CNTN6: variants seen among roughly 807,000 people sequenced by gnomAD.
CNTN6 encodes contactin-6.
Under a neutral mutation model 122.8 loss-of-function variants are expected in CNTN6, and 137 were observed. The observed-to-expected ratio is 1.12, with a 90% CI of 0.97 to 1.29. The LOEUF is 1.29. CNTN6 is among the 50% of genes most tolerant of loss of function. The pLI is 0.00. For synonymous variants in CNTN6, 570 were observed against 426.0 expected, an observed-to-expected ratio of 1.34 and a Z score of -4.16; for missense variants, 1,634 against 1,223.4, an observed-to-expected ratio of 1.34 and a Z score of -5.01.
intron 12 of CNTN6, among the ~76,000 whole-genome samples, chr3:1,371,387 T>C (rs1297235038): frequency 6.6e-6 from 1 of 152,128 alleles, no homozygotes; most frequent in East Asian, 1.9e-4. Flanking sequence ...TATTCTTAAA[T>C]GTAAATCTTT....
chr3:1,382,908 C>A, intron 17 of CNTN6, 34 bp from the exon 18 acceptor site: 1 of 1,441,880 alleles, frequency 6.9e-7, no homozygotes. Context: ...AATATTTTTG[C>A]AAATACTCAG....
intron 11 of CNTN6, among the ~76,000 whole-genome samples, chr3:1,350,668 A>T (rs1390737955): frequency 6.6e-6 from 1 of 151,824 alleles, no homozygotes. Context: ...GTGAAAAATT[A>T]TATGAAATAT....
chr3:1,341,188 T>G (rs1036940705), intron 11 of CNTN6, among the ~76,000 whole-genome samples: 4 of 96,700 alleles, frequency 4.1e-5, no homozygotes, highest in Non-Finnish European at 1.2e-4. Flanking sequence ...GTTTGTTGGT[T>G]TTTTTTTTTT....
At chr3:1,394,750 A>G (rs17038603) in intron 20 of CNTN6, among the ~76,000 whole-genome samples, 8,468 of 152,240 alleles carry the variant, frequency 0.056, 368 homozygotes, top group African/African-American at 0.12. Context: ...TTTTCAGTTG[A>G]CCCAATTGAT....
At position 1,372,424 on chromosome 3, in the gene CNTN6, G is replaced by T. The variant is rs1484186913; in HGVS notation, c.1618G>T (p.Asp540Tyr). Reference sequence around the variant, plus strand: ...GGTATTTGTATGGTTTTTCAATGGAGATGTCATAGACTTAAAAAAAGGAGT... The same window carrying T: ...GGTATTTGTATGGTTTTTCAATGGATATGTCATAGACTTAAAAAAAGGAGT... Reference protein sequence around the residue: ...EVVFVWFFNGDVIDLKKGVAH... With the variant: ...EVVFVWFFNGYVIDLKKGVAH... Residue 540 changes from aspartate (D) to tyrosine (Y), a missense_variant, in exon 13 of 23, where the codon GAT becomes TAT. Transcript: ENST00000446702. 1 of 1,613,108 alleles carries T rather than the reference G, an allele frequency of 6.2e-7. No individual in the cohort carries two copies. The highest frequency in any genetic ancestry group is 8.5e-7 in the Non-Finnish European group (1 of 1,179,494).
intron 1 of CNTN6, among the ~76,000 whole-genome samples, chr3:1,136,453 C>A (rs2092475865): frequency 6.6e-6 from 1 of 152,086 alleles, no homozygotes; most frequent in Non-Finnish European, 1.5e-5. Context: ...CAGGCTATAC[C>A]CCTGTCTTCA....
intron 16 of CNTN6, among the ~76,000 whole-genome samples, chr3:1,375,511 A>G (rs902018966): frequency 1.3e-5 from 2 of 152,086 alleles, no homozygotes; most frequent in Admixed American, 1.3e-4. Flanking sequence ...GGAATTTTCT[A>G]TTTCTCAGAA....
At chr3:1,200,324 G>A (rs1223680641) in intron 2 of CNTN6, among the ~76,000 whole-genome samples, 2 of 152,160 alleles carry the variant, frequency 1.3e-5, no homozygotes, top group Admixed American at 6.5e-5. Flanking sequence ...GTAAGCCACC[G>A]TGCCTGGCTC....
chr3:1,221,288 A>G (rs890141348), intron 3 of CNTN6, among the ~76,000 whole-genome samples: 1 of 152,218 alleles, frequency 6.6e-6, no homozygotes, highest in Non-Finnish European at 1.5e-5. Flanking sequence ...TGTTTCCTCA[A>G]TTTGAAAGAC....
chr3:1,138,607 A>T (rs2092539663), intron 1 of CNTN6, among the ~76,000 whole-genome samples: 1 of 152,046 alleles, frequency 6.6e-6, no homozygotes, highest in Non-Finnish European at 1.5e-5. Context: ...TAAATACATT[A>T]AAAAAGGGTT....
intron 1 of CNTN6, among the ~76,000 whole-genome samples, chr3:1,146,011 T>A (rs936128138): frequency 7.9e-5 from 12 of 151,260 alleles, no homozygotes; most frequent in African/African-American, 2.9e-4. Context: ...GAGATCCAAT[T>A]TTTTTTTAAT....
At chr3:1,290,049 T>C (rs1173096805) in intron 5 of CNTN6, among the ~76,000 whole-genome samples, 1 of 152,210 alleles carries the variant, frequency 6.6e-6, no homozygotes, top group African/African-American at 2.4e-5. Context: ...TAGGAGCTTG[T>C]TAGCAATGCA....
In CNTN6 at chr3:1,327,530, G is replaced by A. The variant is rs1701704884; in HGVS notation, c.1157G>A (p.Cys386Tyr). Residue 386 changes from cysteine (C) to tyrosine (Y), a missense_variant, in exon 10 of 23, where the codon TGT becomes TAT. Coordinates refer to ENST00000446702, the MANE Select transcript of CNTN6 (RefSeq NM_001289080.2). ...LNVSDSGVYQ[C>Y]AAENKYQIIY... Reference sequence around the variant, plus strand: ...GTGTCAGATTCTGGTGTGTACCAATGTGCTGCAGAAAACAAATATCAGATA... The same window carrying A: ...GTGTCAGATTCTGGTGTGTACCAATATGCTGCAGAAAACAAATATCAGATA... 1 of 1,610,860 alleles carries A rather than the reference G, an allele frequency of 6.2e-7. No individual in the cohort carries two copies. Among genetic ancestry groups the A allele is most frequent in the South Asian group, 1.1e-5 (1 of 90,994 alleles).
intron 4 of CNTN6, among the ~76,000 whole-genome samples, chr3:1,257,120 ATTTGTAAAATCAAAC>A (rs1460087583): frequency 1.3e-5 from 2 of 152,108 alleles, no homozygotes; most frequent in East Asian, 3.9e-4. Context: ...GTCTAGGTTT[ATTTGTAAAATCAAAC>A]TTTTCTTATC....
rs1054009767 is a variant in CNTN6, at chr3:1,403,617, CAT to C, written c.*200_*201del. 5.8e-5 allele frequency: 21 copies of C among 359,302 alleles called. No homozygotes were observed. Among genetic ancestry groups the C allele is most frequent in the African/African-American group, 3.0e-4 (14 of 47,346 alleles). 22.3% of individuals were successfully genotyped at this position (359,302 alleles called of 1,614,324 possible). A position where few individuals can be genotyped will look rare whatever the true frequency, so the allele number is the denominator to read the frequency against. On this transcript the variant is annotated 3_prime_UTR_variant, in exon 23 of 23. Coordinates refer to ENST00000446702, the MANE Select transcript of CNTN6 (RefSeq NM_001289080.2). ...ACACTTTTGAATTTTAAAATCCGCA[CAT>C]GATTACATGAATTCCTAGGTGCCAC...
At chr3:1,370,388 A>G (rs1347914657) in intron 12 of CNTN6, among the ~76,000 whole-genome samples, 1 of 152,016 alleles carries the variant, frequency 6.6e-6, no homozygotes, top group Non-Finnish European at 1.5e-5. Flanking sequence ...TAAGAGATAT[A>G]CCTAATGCTA....
chr3:1,149,721 A>G (rs1158332590), intron 2 of CNTN6, among the ~76,000 whole-genome samples: 3 of 152,148 alleles, frequency 2.0e-5, no homozygotes, highest in East Asian at 1.9e-4. Context: ...AGACAGAGAA[A>G]ACTCATCAAG....
chr3:1,156,712 C>CT (rs2092976370), intron 2 of CNTN6, among the ~76,000 whole-genome samples: 2 of 111,888 alleles, frequency 1.8e-5, no homozygotes, highest in African/African-American at 6.4e-5. Context: ...TTCCTTCCTT[C>CT]TTCTTTCTTT....
At chr3:1,237,328 C>G (rs1181726887) in intron 4 of CNTN6, among the ~76,000 whole-genome samples, 3 of 151,750 alleles carry the variant, frequency 2.0e-5, no homozygotes, top group Non-Finnish European at 4.4e-5. Context: ...TTAACCCAGT[C>G]CATCAAAGAC....
Sources: gnomAD v4.1 joint callset for allele counts (sites outside exome capture counted in the v4.1 genomes callset) on GRCh38, gnomAD v4.1.1 for gene constraint, MANE v1.5 for transcripts, NCBI Gene and HGNC (gene_info 2026-07-23, HGNC 2026-07-21) for gene names.